The following RSPO3 variants were observed in gnomAD, a reference collection of about 807,000 sequenced individuals.
RSPO3 encodes the protein R-spondin 3, also known as R-spondin-3.
In RSPO3, 17 loss-of-function variants were observed where a neutral mutation model predicts 36.5. That is an observed-to-expected ratio of 0.47 (90% CI 0.32 to 0.70). The LOEUF (loss-of-function observed/expected upper bound fraction) is 0.70, where lower values mean the gene tolerates loss of function less well. Ranked by LOEUF, RSPO3 falls within the 30% of genes least tolerant of loss-of-function variation. The probability of loss-of-function intolerance (pLI) is 0.04; values close to 1 mark genes in which losing one functional copy is unlikely to be tolerated. For synonymous variants in RSPO3, 108 were observed against 107.0 expected (o/e 1.01, Z -0.06); for missense variants, 294 against 322.5 (o/e 0.91, Z 0.68).
chr6:127,126,356 T>C (rs749720670), intron 1 of RSPO3, among the ~76,000 whole-genome samples: 51 of 152,120 alleles, frequency 3.4e-4, no homozygotes, highest in Admixed American at 3.9e-4. Flanking sequence ...TGTGATGACA[T>C]TGAGACTCAC....
At chr6:127,155,988 A>G (rs1208586123) in intron 4 of RSPO3, among the ~76,000 whole-genome samples, 2 of 151,880 alleles carry the variant, frequency 1.3e-5, no homozygotes, top group East Asian at 3.9e-4. Flanking sequence ...CTGCAACCTC[A>G]AACTCCCAGG....
chr6:127,170,949 T>C (rs768482580), intron 4 of RSPO3, among the ~76,000 whole-genome samples: 20 of 151,792 alleles, frequency 1.3e-4, no homozygotes, highest in Admixed American at 5.9e-4. Context: ...GTTCTGAAGA[T>C]GGATGCTGGT....
chr6:127,178,180 G>A (rs1775094305), intron 4 of RSPO3, among the ~76,000 whole-genome samples: 1 of 151,570 alleles, frequency 6.6e-6, no homozygotes, highest in African/African-American at 2.4e-5. Context: ...TATTATAGTT[G>A]GTAAGGGGAA....
At chr6:127,165,314 G>T (rs570721054) in intron 4 of RSPO3, among the ~76,000 whole-genome samples, 1 of 151,924 alleles carries the variant, frequency 6.6e-6, no homozygotes, top group African/African-American at 2.4e-5. Context: ...ATTTCTTATG[G>T]AATATGTACA....
chr6:127,147,015 C>G (rs1388115484), intron 1 of RSPO3, among the ~76,000 whole-genome samples: 1 of 152,116 alleles, frequency 6.6e-6, no homozygotes, highest in African/African-American at 2.4e-5. Context: ...ATGTCTAAAC[C>G]TCCTGTGCCA....
At chr6:127,148,985 C>T (rs1279227743) in intron 2 of RSPO3, 146 bp downstream of exon 2, 2 of 660,046 alleles carry the variant, frequency 3.0e-6, no homozygotes, top group African/African-American at 3.7e-5. Context: ...TTGGACTTAA[C>T]CCTCAGAACC....
chr6:127,196,169 C>A lies in RSPO3; in HGVS notation c.*162C>A. ...ATATTCTTCATACAAGCATAGTTAA[C>A]AACAAAGAGCCAAAAGATCAAAGAA... On this transcript the variant is annotated 3_prime_UTR_variant, in exon 5 of 5. Transcript: ENST00000356698. The A allele has an allele frequency of 2.1e-6, 1 of 474,506 alleles. No homozygotes were observed. Among genetic ancestry groups the A allele is most frequent in the Non-Finnish European group, 3.5e-6 (1 of 281,902 alleles). 29.4% of individuals were successfully genotyped at this position (474,506 alleles called of 1,614,324 possible).
intron 4 of RSPO3, among the ~76,000 whole-genome samples, chr6:127,159,822 G>C (rs969808798): frequency 5.9e-5 from 9 of 151,502 alleles, no homozygotes; most frequent in Non-Finnish European, 8.8e-5. Context: ...CTAATTTTTT[G>C]TATTTTAGTA....
At chr6:127,176,220 A>G (rs755788512) in intron 4 of RSPO3, among the ~76,000 whole-genome samples, 3 of 151,760 alleles carry the variant, frequency 2.0e-5, no homozygotes, top group Non-Finnish European at 4.4e-5. Flanking sequence ...TTAATGTTCT[A>G]AAACAAATGA....
Position 127,136,479 on chromosome 6 carries a change from GA to G in RSPO3, c.98-12168del, listed in dbSNP as rs146185198. Among the ~76,000 whole-genome samples, 1,477 of 152,188 alleles carry G rather than the reference GA, an allele frequency of 9.7e-3. 23 individuals carry two copies. The highest frequency in any genetic ancestry group is 0.034 in the African/African-American group (1,419 of 41,524). ...ATGAGGAAGGTTCAAATCTGATCCTGAGCTGGAAAAGTATCATTTTGCCCAT... is the reference window on the plus strand; with the variant it reads ...ATGAGGAAGGTTCAAATCTGATCCTGGCTGGAAAAGTATCATTTTGCCCAT... On this transcript the variant is annotated intron_variant, in intron 1 of 4. Transcript: ENST00000356698.
intron 1 of RSPO3, among the ~76,000 whole-genome samples, chr6:127,131,880 T>A (rs1774065129): frequency 6.6e-6 from 1 of 152,148 alleles, no homozygotes; most frequent in Non-Finnish European, 1.5e-5. Flanking sequence ...GACAATTTAT[T>A]TACTGGGTCT....
chr6:127,180,487 C>CAAAAAAAAAAAAAAAAAAAAAAAAAAA (rs71543112), intron 4 of RSPO3, among the ~76,000 whole-genome samples: 4 of 42,616 alleles, frequency 9.4e-5, no homozygotes, highest in Non-Finnish European at 1.3e-4. Flanking sequence ...TGGAAGAAAA[C>CAAAAAAAAAAAAAAAAAAAAAAAAAAA]AAAAAAAAAA....
intron 4 of RSPO3, among the ~76,000 whole-genome samples, chr6:127,176,253 C>G (rs751502988): frequency 5.3e-5 from 8 of 151,686 alleles, no homozygotes; most frequent in Non-Finnish European, 8.8e-5. Flanking sequence ...AGGAGCCTCA[C>G]CAAACCTGAG....
rs1349021916 is a variant in RSPO3 at position 127,124,821 on chromosome 6, TTAAAG to T, written c.97+5535_97+5539del. Among the ~76,000 whole-genome samples the T allele has an allele frequency of 3.3e-5, 5 of 152,222 alleles. No individual in the cohort carries two copies. In the East Asian group the frequency reaches 9.6e-4, roughly 29 times the overall value. On this transcript the variant is annotated intron_variant, in intron 1 of 4. Coordinates refer to ENST00000356698, the MANE Select transcript of RSPO3 (RefSeq NM_032784.5). ...TTCAGGAATATTACTGGCATTCTGA[TTAAAG>T]TAGTCATCCAGCAATACTGAAAAGA...
chr6:127,165,259 G>A (rs1774800117), intron 4 of RSPO3, among the ~76,000 whole-genome samples: 1 of 151,770 alleles, frequency 6.6e-6, no homozygotes, highest in Non-Finnish European at 1.5e-5. Flanking sequence ...TAAGAACCTA[G>A]GTTTTCATAA....
In RSPO3 at chr6:127,161,878, C is replaced by T. The variant is rs569598522; in HGVS notation, c.634+6440C>T. ...CTTGCCATTGTTTAGGTCTGGTGCA[C>T]GAGGATTGTTTCAGTTAGCTTTTGC... On this transcript the variant is annotated intron_variant, in intron 4 of 4. Coordinates refer to ENST00000356698, the MANE Select transcript of RSPO3 (RefSeq NM_032784.5). Among the ~76,000 whole-genome samples, 22 of 152,176 alleles carry T rather than the reference C, an allele frequency of 1.4e-4. No homozygotes were observed. In the South Asian group the frequency reaches 3.5e-3, roughly 24 times the overall value.
intron 3 of RSPO3, among the ~76,000 whole-genome samples, chr6:127,152,526 T>G (rs1049707900): frequency 1.3e-5 from 2 of 152,170 alleles, no homozygotes; most frequent in African/African-American, 2.4e-5. Flanking sequence ...CATTTTAAGT[T>G]ATTTTCAGTG....
intron 1 of RSPO3, among the ~76,000 whole-genome samples, chr6:127,133,813 TTTAA>T (rs1774102304): frequency 6.6e-6 from 1 of 152,172 alleles, no homozygotes; most frequent in African/African-American, 2.4e-5. Flanking sequence ...CATTTATTTA[TTTAA>T]TAGCTCTTTA....
intron 4 of RSPO3, among the ~76,000 whole-genome samples, chr6:127,165,926 G>A (rs529811238): frequency 9.0e-4 from 136 of 151,868 alleles, no homozygotes; most frequent in African/African-American, 3.0e-3. Flanking sequence ...AAGCCTAAAA[G>A]ATACATAAAT....
Sources: allele counts gnomAD v4.1 joint callset (sites outside exome capture counted in the v4.1 genomes callset), GRCh38; gene constraint gnomAD v4.1.1; transcripts MANE v1.5; gene names NCBI Gene and HGNC (gene_info 2026-07-23, HGNC 2026-07-21).